Variants in LBH observed in about 807,000 individuals in gnomAD.
LBH encodes protein LBH.
Under a neutral mutation model 12.5 loss-of-function variants are expected in LBH, and 7 were observed. The observed-to-expected ratio is 0.56, with a 90% confidence interval of 0.32 to 1.05. The LOEUF (loss-of-function observed/expected upper bound fraction) is 1.05, where lower values mean the gene tolerates loss of function less well. Ranked by LOEUF, LBH falls within the 50% of genes least tolerant of loss-of-function variation. The pLI is 0.04. For synonymous variants in LBH, 51 were observed against 50.1 expected (o/e 1.02, Z -0.08); for missense variants, 119 against 138.9 (o/e 0.86, Z 0.72).
chr2:30,232,080 A>T, intron 1 of LBH: 2 of 1,523,724 alleles, frequency 1.3e-6, no homozygotes, highest in Non-Finnish European at 1.8e-6. Flanking sequence ...CCCTATGCGG[A>T]GAGCTGCAGG....
At chr2:30,232,011 G>C (rs1677595022) in intron 1 of LBH, 9 of 1,158,018 alleles carry the variant, frequency 7.8e-6, no homozygotes, top group Non-Finnish European at 1.1e-5. Context: ...CGGCCGGAGG[G>C]TTTGTATTGG....
intron 2 of LBH, among the ~76,000 whole-genome samples, chr2:30,242,777 T>C (rs1677812025): frequency 6.6e-6 from 1 of 152,222 alleles, no homozygotes; most frequent in Non-Finnish European, 1.5e-5. Context: ...AAAATTCTAT[T>C]ATGTAACATT....
At chr2:30,235,617 G>C (rs1410879830) in intron 2 of LBH, among the ~76,000 whole-genome samples, 1 of 151,936 alleles carries the variant, frequency 6.6e-6, no homozygotes, top group Admixed American at 6.6e-5. Flanking sequence ...CCATGGCTTG[G>C]TTCCGCTAGG....
At chr2:30,235,157 T>C (rs1178470536) in intron 2 of LBH, among the ~76,000 whole-genome samples, 1 of 152,186 alleles carries the variant, frequency 6.6e-6, no homozygotes, top group African/African-American at 2.4e-5. Flanking sequence ...GAGTGAGCCC[T>C]CTGGACTCTT....
At chr2:30,231,802 G>T in intron 1 of LBH, 38 bp downstream of exon 1, 1 of 1,539,202 alleles carries the variant, frequency 6.5e-7, no homozygotes. Flanking sequence ...TCTGTCTCGC[G>T]GCGGTGGCTG....
chr2:30,234,579 G>GT (rs1362932964), intron 2 of LBH, 72 bp downstream of exon 2: 1 of 1,104,430 alleles, frequency 9.1e-7, no homozygotes, highest in East Asian at 2.4e-5. Flanking sequence ...GACAGACTTG[G>GT]TTTTGCATCC....
intron 2 of LBH, among the ~76,000 whole-genome samples, chr2:30,253,069 G>A (rs930235915): frequency 3.9e-5 from 6 of 152,210 alleles, no homozygotes; most frequent in Non-Finnish European, 8.8e-5. Context: ...CCTGCAGGCA[G>A]GCAGCATGCC....
At chr2:30,251,803 G>A (rs1447653674) in intron 2 of LBH, among the ~76,000 whole-genome samples, 2 of 152,102 alleles carry the variant, frequency 1.3e-5, no homozygotes, top group Non-Finnish European at 2.9e-5. Flanking sequence ...CCTGTGTGGT[G>A]AGTGGCTGCT....
intron 1 of LBH, chr2:30,232,455 G>A: frequency 2.0e-6 from 1 of 491,090 alleles, no homozygotes; most frequent in Non-Finnish European, 3.6e-6. Context: ...CCGGACTGGG[G>A]ATCGGAGCCG....
At chr2:30,254,469 C>T (rs1021242571) in intron 2 of LBH, among the ~76,000 whole-genome samples, 3 of 152,144 alleles carry the variant, frequency 2.0e-5, no homozygotes, top group African/African-American at 7.2e-5. Context: ...TGAGATTCTG[C>T]TCAGGAAAAA....
At chr2:30,241,460 C>CTTTTTT (rs777223190) in intron 2 of LBH, among the ~76,000 whole-genome samples, 10 of 132,606 alleles carry the variant, frequency 7.5e-5, no homozygotes, top group Admixed American at 1.6e-4. Flanking sequence ...TTCTTTCTTT[C>CTTTTTT]TTTTTTTTTT....
intron 2 of LBH, among the ~76,000 whole-genome samples, chr2:30,243,571 C>T (rs1210278433): frequency 7.0e-6 from 1 of 142,030 alleles, no homozygotes; most frequent in East Asian, 2.1e-4. Flanking sequence ...TGCTCTGTCA[C>T]CTGGGCTTGA....
chr2:30,254,385 C>T (rs944584591), intron 2 of LBH, among the ~76,000 whole-genome samples: 1 of 152,080 alleles, frequency 6.6e-6, no homozygotes, highest in Non-Finnish European at 1.5e-5. Flanking sequence ...TGCAGTTGAC[C>T]GTGGGTAACT....
intron 2 of LBH, among the ~76,000 whole-genome samples, chr2:30,252,708 G>A (rs1216339394): frequency 6.6e-6 from 1 of 152,174 alleles, no homozygotes; most frequent in Non-Finnish European, 1.5e-5. Flanking sequence ...CAGTCTTGGG[G>A]ATTTCTTCAT....
At chr2:30,240,215 T>C (rs773644254) in intron 2 of LBH, among the ~76,000 whole-genome samples, 2 of 152,232 alleles carry the variant, frequency 1.3e-5, no homozygotes, top group Non-Finnish European at 2.9e-5. Context: ...CGTCCTGCAC[T>C]GAGAATCCTT....
chr2:30,231,579 C>G lies in LBH; in HGVS notation c.-160C>G, dbSNP rs973439788. The G allele has an allele frequency of 3.2e-5, 21 of 665,328 alleles. No individual in the cohort carries two copies. The Admixed American group carries it at 4.6e-4, about 15-fold the overall frequency. The allele number at this position is 665,328 out of a possible 1,614,324, so 41.2% of individuals were successfully genotyped here. ...CGGGGAGTTGTGTCCACCTTGCCGA[C>G]GTCGCTAGCCGTGGGGCTGTCCTGG... On this transcript the variant is annotated 5_prime_UTR_variant, in exon 1 of 3. Transcript: ENST00000395323.
rs1677587228 is a variant in LBH at position 30,231,692 on chromosome 2, A to G, written c.-47A>G. 3.8e-6 allele frequency: 6 copies of G among 1,572,478 alleles called. No homozygotes were observed. Among genetic ancestry groups the G allele is most frequent in the Admixed American group, 1.7e-5 (1 of 57,176 alleles). On this transcript the variant is annotated 5_prime_UTR_variant, in exon 1 of 3. Coordinates refer to ENST00000395323, the MANE Select transcript of LBH (RefSeq NM_030915.4). ...TGTCATCCTCACTCGGGACGCAGGG[A>G]CCGTTTTTAAATCACAGGGGCGTGT...
chr2:30,254,459 T>G (rs1678044350), intron 2 of LBH, among the ~76,000 whole-genome samples: 1 of 152,210 alleles, frequency 6.6e-6, no homozygotes, highest in Admixed American at 6.5e-5. Context: ...TTGTGAGGTT[T>G]GAGATTCTGC....
Position 30,238,708 on chromosome 2 carries a change from G to T in LBH, c.129+4201G>T, listed in dbSNP as rs1572377502. Among the ~76,000 whole-genome samples, 3 of 152,232 alleles carry T rather than the reference G, an allele frequency of 2.0e-5. 1 individual carries two copies. In the South Asian group the frequency reaches 6.2e-4, roughly 32 times the overall value. On this transcript the variant is annotated intron_variant, in intron 2 of 2. Coordinates refer to ENST00000395323, the MANE Select transcript of LBH (RefSeq NM_030915.4). ...GCAGGCTAGCGGGCTGACTTTTCTT[G>T]CCTCAGCCTTAGTATTTGCCTCGTG... is the stretch of plus-strand genomic sequence containing the variant.
Sources: allele counts gnomAD v4.1 joint callset (sites outside exome capture counted in the v4.1 genomes callset), GRCh38; gene constraint gnomAD v4.1.1; transcripts MANE v1.5; gene names NCBI Gene and HGNC (gene_info 2026-07-23, HGNC 2026-07-21).